LATS2: variants seen among roughly 807,000 people sequenced by gnomAD.
LATS2 encodes serine/threonine-protein kinase LATS2.
LATS2 carries 24 observed loss-of-function variants against 76.0 expected under a neutral mutation model. That is an observed-to-expected ratio of 0.32 (90% CI 0.23 to 0.44). The LOEUF is 0.44. Among genes scored for constraint, LATS2 ranks in the 20% least tolerant of loss-of-function variants. The pLI is 1.00. For synonymous variants in LATS2, 692 were observed against 635.4 expected, an observed-to-expected ratio of 1.09 and a Z score of -1.34; for missense variants, 1,286 against 1,481.2, an observed-to-expected ratio of 0.87 and a Z score of 2.16.
chr13:21,011,939 G>C (rs902601941), intron 2 of LATS2, among the ~76,000 whole-genome samples: 4 of 152,184 alleles, frequency 2.6e-5, no homozygotes, highest in African/African-American at 9.7e-5. Context: ...TTGGAAACCT[G>C]CAAGTTTAAG....
At chr13:21,007,685 A>G (rs189778668) in intron 2 of LATS2, among the ~76,000 whole-genome samples, 106 of 460 alleles carry the variant, frequency 0.23, 26 homozygotes, top group South Asian at 0.7. Flanking sequence ...TATATATAGT[A>G]TATATATATA....
chr13:21,050,504 T>A (rs529055712), intron 1 of LATS2, among the ~76,000 whole-genome samples: 3 of 152,350 alleles, frequency 2.0e-5, no homozygotes, highest in East Asian at 3.9e-4. Context: ...TTCAACACTA[T>A]ATTTGCAGAT....
chr13:21,011,307 C>T (rs971562730), intron 2 of LATS2, among the ~76,000 whole-genome samples: 9 of 152,194 alleles, frequency 5.9e-5, no homozygotes, highest in South Asian at 2.1e-4. Context: ...AAGTTGGGAT[C>T]CGCAGGTCCC....
Position 20,989,244 on chromosome 13 carries a change from G to A in LATS2, c.536C>T (p.Ser179Leu), listed in dbSNP as rs1870400693. Residue 179 changes from serine (S) to leucine (L), a missense_variant, in exon 4 of 8, where the codon TCG becomes TTG. Around this residue, in one of 5 missense-constraint regions of LATS2, gnomAD observed 710 missense variants for 660.9 expected, o/e 1.07. Coordinates refer to ENST00000382592, the MANE Select transcript of LATS2 (RefSeq NM_014572.3). ...RRPSFEGTGD[S>L]FASYHQLSGT... The stretch of plus-strand genomic sequence containing the variant: ...GCTCAGCTGGTGGTAGGACGCAAAC[G>A]AATCGCCGGTTCCTTCGAAGCTGGG... The A allele has an allele frequency of 6.2e-7, 1 of 1,613,988 alleles. No homozygotes were observed. The highest frequency in any genetic ancestry group is 8.5e-7 in the Non-Finnish European group (1 of 1,180,018).
At chr13:20,992,057 G>A (rs1430550022) in intron 2 of LATS2, among the ~76,000 whole-genome samples, 1 of 152,184 alleles carries the variant, frequency 6.6e-6, no homozygotes, top group Non-Finnish European at 1.5e-5. Flanking sequence ...CACCACGGGA[G>A]AGGGCAGGTA....
At position 21,007,693 on chromosome 13, in the gene LATS2, A is replaced by AG. The variant is rs545962056; in HGVS notation, c.343-16290_343-16289insC. Reference sequence around the variant, plus strand: ...GTATATATATATATAGTATATATATATATATAGTATGTATATATATATATA... The same window carrying AG: ...GTATATATATATATAGTATATATATAGTATATAGTATGTATATATATATATA... On this transcript the variant is annotated intron_variant, in intron 2 of 7. Transcript: ENST00000382592. Among the ~76,000 whole-genome samples, 2 of 1,088 alleles carry AG rather than the reference A, an allele frequency of 1.8e-3. 1 individual carries two copies. The highest frequency in any genetic ancestry group is 3.2e-3 in the African/African-American group (2 of 632). The allele number at this position is 1,088 out of a possible 152,430, so 0.7% of individuals were successfully genotyped here.
At chr13:20,983,838 C>A in intron 4 of LATS2, 32 bp from the exon 5 acceptor site, 3 of 1,544,160 alleles carry the variant, frequency 1.9e-6, no homozygotes, top group Admixed American at 1.7e-5. Flanking sequence ...GAGGAAGAAT[C>A]ACATTAGAGA....
chr13:21,042,764 G>A (rs370692017), intron 2 of LATS2, among the ~76,000 whole-genome samples: 32 of 147,100 alleles, frequency 2.2e-4, no homozygotes, highest in Non-Finnish European at 1.4e-4. Context: ...CTAAGAGGGC[G>A]GATCACAAGG....
At chr13:20,980,774 A>G (rs1290933043) in intron 6 of LATS2, among the ~76,000 whole-genome samples, 1 of 152,194 alleles carries the variant, frequency 6.6e-6, no homozygotes, top group Non-Finnish European at 1.5e-5. Context: ...CCAGACTTGA[A>G]CTGAGTCTGG....
intron 2 of LATS2, among the ~76,000 whole-genome samples, chr13:21,011,967 A>G (rs1871609622): frequency 6.6e-6 from 1 of 152,206 alleles, no homozygotes; most frequent in African/African-American, 2.4e-5. Context: ...ATGTCTAACA[A>G]AACCAATTTT....
intron 2 of LATS2, among the ~76,000 whole-genome samples, chr13:21,045,422 C>T (rs539586293): frequency 1.3e-5 from 2 of 152,310 alleles, no homozygotes; most frequent in African/African-American, 4.8e-5. Flanking sequence ...AGAAAATACA[C>T]ATTACAATTT....
chr13:21,054,026 G>A (rs116043288), intron 1 of LATS2, among the ~76,000 whole-genome samples: 1,878 of 152,244 alleles, frequency 0.012, 32 homozygotes, highest in African/African-American at 0.043. Flanking sequence ...CCACTTAACT[G>A]AACTGTATAC....
intron 2 of LATS2, among the ~76,000 whole-genome samples, chr13:21,038,081 G>C (rs1352488611): frequency 2.0e-5 from 3 of 152,148 alleles, no homozygotes. Flanking sequence ...ACTCCAGTCT[G>C]GGTGACAAAG....
intron 2 of LATS2, among the ~76,000 whole-genome samples, chr13:20,993,483 A>T (rs1421970970): frequency 1.3e-5 from 2 of 152,114 alleles, no homozygotes; most frequent in African/African-American, 4.8e-5. Context: ...GCAAGATGGC[A>T]GGGACAGGCA....
chr13:21,045,736 T>C lies in LATS2; in HGVS notation c.291A>G (p.Ala97=), dbSNP rs766332009. 6.2e-7 allele frequency: 1 copy of C among 1,614,262 alleles called. No homozygotes were observed. Among genetic ancestry groups the C allele is most frequent in the Non-Finnish European group, 8.5e-7 (1 of 1,180,040 alleles). ...FANESGTSAA[A]EVNRQMLQEL... is the part of the protein sequence containing the mutation. ...CCTGCAGCATTTGCCGGTTCACTTC[T>C]GCAGCTGCAGAGGTGCCCGATTCAT... Residue 97 remains alanine (A), a synonymous_variant, in exon 2 of 8, where the codon GCA becomes GCG. Coordinates refer to ENST00000382592, the MANE Select transcript of LATS2 (RefSeq NM_014572.3).
chr13:20,996,572 C>T (rs923629541), intron 2 of LATS2, among the ~76,000 whole-genome samples: 3 of 151,858 alleles, frequency 2.0e-5, no homozygotes, highest in African/African-American at 7.3e-5. Context: ...GTAGAGGTGG[C>T]GTTTTGCCAT....
chr13:21,031,527 C>T (rs908870386), intron 2 of LATS2, among the ~76,000 whole-genome samples: 1 of 152,044 alleles, frequency 6.6e-6, no homozygotes, highest in African/African-American at 2.4e-5. Context: ...TTAGAGTTTC[C>T]ATTTTTGTAG....
chr13:21,026,090 A>T (rs1374577778), intron 2 of LATS2, among the ~76,000 whole-genome samples: 1 of 152,202 alleles, frequency 6.6e-6, no homozygotes, highest in African/African-American at 2.4e-5. Flanking sequence ...TGGAATACCC[A>T]TCGGATGCCC....
intron 1 of LATS2, among the ~76,000 whole-genome samples, chr13:21,046,833 C>T (rs1873091489): frequency 6.6e-6 from 1 of 152,162 alleles, no homozygotes; most frequent in Non-Finnish European, 1.5e-5. Context: ...CATTATGAGA[C>T]TTTGAAGGTA....
Sources: allele counts gnomAD v4.1 joint callset (sites outside exome capture counted in the v4.1 genomes callset), GRCh38; gene constraint gnomAD v4.1.1; regional missense constraint gnomAD v4.1.1; transcripts MANE v1.5; gene names NCBI Gene and HGNC (gene_info 2026-07-23, HGNC 2026-07-21).